The following STRBP variants were observed in gnomAD, a reference collection of about 807,000 sequenced individuals.
The protein encoded by STRBP is spermatid perinuclear RNA binding protein.
A neutral mutation model predicts 80.1 loss-of-function variants in STRBP; 13 were observed. The ratio of observed to expected loss-of-function variants is 0.16; its 90% CI spans 0.11 to 0.26. The LOEUF (loss-of-function observed/expected upper bound fraction) is 0.26. Ranked by LOEUF, STRBP falls within the 10% of genes least tolerant of loss-of-function variation. STRBP has a pLI of 1.00. For missense variants in STRBP, 485 were observed against 815.2 expected, an observed-to-expected ratio of 0.59 and a Z score of 4.93; for synonymous variants, 284 against 291.2, an observed-to-expected ratio of 0.98 and a Z score of 0.25.
intron 2 of STRBP, among the ~76,000 whole-genome samples, chr9:123,201,198 AT>A (rs1057002645): frequency 6.6e-5 from 10 of 151,648 alleles, no homozygotes; most frequent in African/African-American, 2.2e-4. Flanking sequence ...GATCTTTTGT[AT>A]TTTTTTGTGT....
chr9:123,150,886 G>C (rs916951629), intron 11 of STRBP, among the ~76,000 whole-genome samples: 9 of 152,172 alleles, frequency 5.9e-5, no homozygotes, highest in African/African-American at 2.2e-4. Flanking sequence ...AAGGATGAAA[G>C]CCCAGCTTCA....
At chr9:123,177,281 T>C (rs546841020) in intron 4 of STRBP, among the ~76,000 whole-genome samples, 4 of 152,174 alleles carry the variant, frequency 2.6e-5, no homozygotes, top group South Asian at 4.2e-4. Flanking sequence ...AAGTATAAAA[T>C]CCAGGCCTGG....
At chr9:123,198,145 T>C (rs2039173988) in intron 2 of STRBP, among the ~76,000 whole-genome samples, 1 of 152,072 alleles carries the variant, frequency 6.6e-6, no homozygotes, top group African/African-American at 2.4e-5. Context: ...CTACTTTTTA[T>C]TTTTTATTTT....
chr9:123,142,478 G>C (rs2036629716), intron 13 of STRBP, among the ~76,000 whole-genome samples: 1 of 152,106 alleles, frequency 6.6e-6, no homozygotes, highest in South Asian at 2.1e-4. Context: ...CTTCTTTATA[G>C]CAGTGCAAGA....
intron 11 of STRBP, among the ~76,000 whole-genome samples, chr9:123,156,105 G>C (rs986411848): frequency 2.0e-5 from 3 of 151,324 alleles, no homozygotes; most frequent in Admixed American, 2.0e-4. Context: ...TCACATAATA[G>C]TAAACATACT....
rs1368093016 is a variant in STRBP, at chr9:123,161,012, C to T, written c.592G>A (p.Ala198Thr). ...TTGGCATGTCGAAGAGACGCCAAGG[C>T]GTTCAGGCATTTCTGCCTGTCCAAT... The part of the protein sequence containing the change: ...DLLDRQKCLN[A>T]LASLRHAKWF... Residue 198 changes from alanine to threonine, a missense_variant, in exon 7 of 19, where the codon GCC (alanine) becomes ACC (threonine). Physicochemically the swap from Ala to Thr is moderately conservative, Grantham distance 58. Transcript: ENST00000348403. The T allele has an allele frequency of 1.9e-6, 3 of 1,591,542 alleles. No homozygotes were observed. The highest frequency in any genetic ancestry group is 1.4e-5 in the African/African-American group (1 of 72,804).
chr9:123,142,345 C>T (rs1379593567), intron 13 of STRBP, among the ~76,000 whole-genome samples: 3 of 152,174 alleles, frequency 2.0e-5, no homozygotes, highest in East Asian at 1.9e-4. Flanking sequence ...GTGCCTGCTT[C>T]CCCTTCCACC....
intron 1 of STRBP, among the ~76,000 whole-genome samples, chr9:123,267,799 C>T (rs975436725): frequency 1.3e-5 from 2 of 151,550 alleles, no homozygotes; most frequent in Admixed American, 6.6e-5. Context: ...CAGTCTTCTC[C>T]CTCCATTCCC....
At position 123,122,542 on chromosome 9, in the gene STRBP, A is replaced by G. The variant is rs2035765407; in HGVS notation, c.*3055T>C. 6 of 1,150,854 alleles carry G rather than the reference A, an allele frequency of 5.2e-6. No homozygotes were observed. Among genetic ancestry groups the G allele is most frequent in the Non-Finnish European group, 4.3e-6 (4 of 925,952 alleles). 71.3% of individuals were successfully genotyped at this position (1,150,854 alleles called of 1,614,324 possible). On this transcript the variant is annotated 3_prime_UTR_variant, in exon 19 of 19. Coordinates refer to ENST00000348403, the MANE Select transcript of STRBP (RefSeq NM_018387.5). ...AGAGACTACAAACGACTTCAGAACT[A>G]TATAAACTCAACTCCTTACTTCACC...
At chr9:123,195,154 C>CAA (rs773757267) in intron 2 of STRBP, among the ~76,000 whole-genome samples, 7 of 152,092 alleles carry the variant, frequency 4.6e-5, no homozygotes, top group African/African-American at 7.2e-5. Context: ...AAAAACCACA[C>CAA]AAGTTTGCTC....
rs1460437169 is a variant in STRBP, at chr9:123,166,789, AAC to A, written c.535+3111_535+3112del. 1.9e-3 allele frequency among the ~76,000 whole-genome samples: 256 copies of A among 135,014 alleles called. 2 individuals carry two copies. In the East Asian group the frequency reaches 0.028, roughly 15 times the overall value. The allele number at this position is 135,014 out of a possible 152,430, so 88.6% of individuals were successfully genotyped here. On this transcript the variant is annotated intron_variant, in intron 6 of 18. Transcript: ENST00000348403. ...CAACAACAACAACAACAACAACAAC[AAC>A]AAAAAAACAAGCCAAACGAAAGACT... is the stretch of plus-strand genomic sequence containing the variant.
intron 3 of STRBP, chr9:123,111,218 G>A (rs572542188): frequency 1.5e-4 from 26 of 172,084 alleles, no homozygotes; most frequent in African/African-American, 4.8e-4. Context: ...TCGGAAATGC[G>A]TGTGTCTGGA....
intron 2 of STRBP, among the ~76,000 whole-genome samples, chr9:123,185,098 T>A (rs1257950225): frequency 1.3e-5 from 2 of 150,480 alleles, no homozygotes; most frequent in African/African-American, 4.9e-5. Context: ...GAGAAAAAAA[T>A]TAAAAAAAAA....
At chr9:123,118,429 C>T (rs2035680416), downstream of STRBP, among the ~76,000 whole-genome samples, 2 of 152,320 alleles carry the variant, frequency 1.3e-5, no homozygotes, top group South Asian at 4.1e-4. Flanking sequence ...CTTCACTCTG[C>T]CCACCAGCAG....
chr9:123,127,808 T>G, intron 18 of STRBP, among the ~76,000 whole-genome samples: 1 of 152,202 alleles, frequency 6.6e-6, no homozygotes, highest in East Asian at 1.9e-4. Flanking sequence ...TTCCTATTCT[T>G]GACTTAAGTT....
intron 17 of STRBP, 91 bp from the exon 18 acceptor site, chr9:123,128,349 G>C: frequency 9.0e-6 from 13 of 1,437,546 alleles, no homozygotes; most frequent in Non-Finnish European, 1.3e-5. Context: ...CAGCACCCTG[G>C]GCCCGGAGGA....
intron 1 of STRBP, among the ~76,000 whole-genome samples, chr9:123,253,587 C>T (rs989325767): frequency 1.3e-5 from 2 of 152,194 alleles, no homozygotes; most frequent in Non-Finnish European, 2.9e-5. Flanking sequence ...AGTTACTGAA[C>T]AAGGCTTCAT....
rs1452271329 is a variant in STRBP, at chr9:123,122,343, G to A, written c.*3254C>T. On this transcript the variant is annotated 3_prime_UTR_variant, in exon 19 of 19. Transcript: ENST00000348403. Reference sequence around the variant, plus strand: ...AGTATTAACCTGAAATACACAGAGGGTCCAACACCAGTTTTAAAAATACAT... The same window carrying A: ...AGTATTAACCTGAAATACACAGAGGATCCAACACCAGTTTTAAAAATACAT... 1.6e-6 allele frequency: 2 copies of A among 1,287,846 alleles called. No individual in the cohort carries two copies. Among genetic ancestry groups the A allele is most frequent in the Admixed American group, 2.3e-5 (1 of 43,438 alleles). The allele number at this position is 1,287,846 out of a possible 1,614,324, so 79.8% of individuals were successfully genotyped here.
At position 123,138,881 on chromosome 9, in the gene STRBP, T is replaced by C. The variant is rs535606209; in HGVS notation, c.1497+648A>G. Among the ~76,000 whole-genome samples, 3 of 152,390 alleles carry C rather than the reference T, an allele frequency of 2.0e-5. No individual in the cohort carries two copies. In the East Asian group the frequency reaches 5.8e-4, roughly 29 times the overall value. On this transcript the variant is annotated intron_variant, in intron 14 of 18. Transcript: ENST00000348403. ...ATGACAAACTAAGCCTTTTTTCTAATGTAAGCTCTTGCTGTTACTTTAAAG... is the reference window on the plus strand; with the variant it reads ...ATGACAAACTAAGCCTTTTTTCTAACGTAAGCTCTTGCTGTTACTTTAAAG...
Sources: allele counts gnomAD v4.1 joint callset (sites outside exome capture counted in the v4.1 genomes callset), GRCh38; gene constraint gnomAD v4.1.1; transcripts MANE v1.5; gene names NCBI Gene and HGNC (gene_info 2026-07-23, HGNC 2026-07-21).